Variants in PLEKHG4B observed in about 807,000 individuals in gnomAD.
PLEKHG4B encodes the protein pleckstrin homology domain-containing family G member 4B.
A neutral mutation model predicts 121.3 loss-of-function variants in PLEKHG4B; 111 were observed. That is an observed-to-expected ratio of 0.92 (90% CI 0.78 to 1.07). The LOEUF (loss-of-function observed/expected upper bound fraction) is 1.07, where lower values mean the gene tolerates loss of function less well. Ranked by LOEUF, PLEKHG4B falls within the 50% of genes least tolerant of loss-of-function variation. The pLI is 0.00. For missense variants in PLEKHG4B, 1,831 were observed against 1,757.8 expected (o/e 1.04, Z -0.74); for synonymous variants, 738 against 725.0 (o/e 1.02, Z -0.29).
At chr5:132,180 A>G (rs976692038) in intron 2 of PLEKHG4B, among the ~76,000 whole-genome samples, 1 of 151,458 alleles carries the variant, frequency 6.6e-6, no homozygotes, top group Non-Finnish European at 1.5e-5. Context: ...TACGCAAGGA[A>G]AAAAAAAAGT....
intron 11 of PLEKHG4B, among the ~76,000 whole-genome samples, chr5:161,441 G>A (rs776992866): frequency 1.6e-4 from 24 of 152,216 alleles, no homozygotes; most frequent in African/African-American, 3.6e-4. Context: ...GTTCATTCAC[G>A]GGTGGTTACG....
In PLEKHG4B at chr5:113,239, C is replaced by G. The variant is rs1313031605; in HGVS notation, c.46-12C>G. The G allele has an allele frequency of 2.5e-6, 1 of 399,064 alleles. No individual in the cohort carries two copies. The highest frequency in any genetic ancestry group is 4.4e-6 in the Non-Finnish European group (1 of 226,164). 24.7% of individuals were successfully genotyped at this position (399,064 alleles called of 1,614,324 possible). A position where few individuals can be genotyped will look rare whatever the true frequency, so the allele number is the denominator to read the frequency against. The stretch of plus-strand genomic sequence containing the variant: ...TGTCCCTAAAGTTTCTGAATTCTCT[C>G]TTTCATTTCAGGATCTGGAATCTCT... On this transcript the variant is annotated splice_polypyrimidine_tract_variant and intron_variant, in intron 1 of 19. Transcript: ENST00000637938. This position sits in a 1 kb window ranked among gnomAD's most constrained non-coding sequence, Gnocchi z 5.2.
chr5:153,363 A>T (rs1275386416), intron 7 of PLEKHG4B, among the ~76,000 whole-genome samples: 1 of 152,152 alleles, frequency 6.6e-6, no homozygotes, highest in Non-Finnish European at 1.5e-5. Context: ...CATTGTGAAT[A>T]TTCTGCTGGG....
intron 1 of PLEKHG4B, among the ~76,000 whole-genome samples, chr5:112,152 C>T (rs1000699754): frequency 2.0e-5 from 3 of 152,198 alleles, no homozygotes; most frequent in Non-Finnish European, 4.4e-5. Flanking sequence ...GGGAAGGGAG[C>T]TGACCCATGG....
At chr5:121,028 C>G (rs948753533) in intron 2 of PLEKHG4B, among the ~76,000 whole-genome samples, 1 of 152,008 alleles carries the variant, frequency 6.6e-6, no homozygotes, top group Non-Finnish European at 1.5e-5. Context: ...AGGCGGATCA[C>G]GAGGTCAGGA....
chr5:130,835 A>G (rs1734757607), intron 2 of PLEKHG4B, among the ~76,000 whole-genome samples: 1 of 152,238 alleles, frequency 6.6e-6, no homozygotes, highest in Admixed American at 6.5e-5. Context: ...CATGACTACA[A>G]GATTTATAGC....
chr5:98,791 A>G (rs1733705617), intron 1 of PLEKHG4B, among the ~76,000 whole-genome samples: 1 of 144,408 alleles, frequency 6.9e-6, no homozygotes, highest in South Asian at 2.2e-4. Flanking sequence ...TAGCTTTGTA[A>G]TAAGTTTTGA....
rs1159147691 is a variant in PLEKHG4B at position 187,441 on chromosome 5, C to G, written c.*5118C>G. On this transcript the variant is annotated 3_prime_UTR_variant, in exon 20 of 20. Transcript: ENST00000637938. ...TTGGGTTTTGAGGGAGCCCTAAGAA[C>G]CTGAGAGACTTAGATGGAGCATGGC... 1 of 152,358 alleles carries G rather than the reference C, an allele frequency of 6.6e-6. No individual in the cohort carries two copies. The highest frequency in any genetic ancestry group is 1.5e-5 in the Non-Finnish European group (1 of 68,250). 9.4% of individuals were successfully genotyped at this position (152,358 alleles called of 1,614,324 possible). A position where few individuals can be genotyped will look rare whatever the true frequency, so the allele number is the denominator to read the frequency against.
chr5:162,631 A>C, intron 12 of PLEKHG4B, 91 bp from the exon 13 acceptor site: 1 of 989,164 alleles, frequency 1.0e-6, no homozygotes, highest in Middle Eastern at 3.6e-4. Context: ...CTGGTCCCTG[A>C]ATAGGCTGAC....
intron 12 of PLEKHG4B, 54 bp from the exon 13 acceptor site, chr5:162,668 C>A: frequency 7.8e-7 from 1 of 1,274,088 alleles, no homozygotes; most frequent in Non-Finnish European, 1.0e-6. Flanking sequence ...CCTGAGCTGG[C>A]TCCAGGGCAG....
rs748521032 is a variant in PLEKHG4B at position 182,247 on chromosome 5, A to G, written c.4808A>G (p.Glu1603Gly). 6.2e-7 allele frequency: 1 copy of G among 1,613,588 alleles called. No homozygotes were observed. The highest frequency in any genetic ancestry group is 8.5e-7 in the Non-Finnish European group (1 of 1,180,014). ...GTCGAGGAAGATGAGCCAGAGCCAG[A>G]ACTAGAGACGGGCACCCAGGCTGCA... ...ACVEEDEPEP[E>G]LETGTQAAVC... Residue 1603 changes from glutamate (E) to glycine (G), a missense_variant, in exon 20 of 20, where the codon GAA (glutamate) becomes GGA (glycine). Transcript: ENST00000637938.
intron 1 of PLEKHG4B, among the ~76,000 whole-genome samples, chr5:109,827 C>T (rs1734084283): frequency 6.6e-6 from 1 of 152,218 alleles, no homozygotes; most frequent in Non-Finnish European, 1.5e-5. Flanking sequence ...CAGCGAAGTG[C>T]CAAGGGACTG....
rs114604004 is a variant in PLEKHG4B at position 163,471 on chromosome 5, G to A, written c.3399G>A (p.Pro1133=). ...LPLWQHARSP[P]VTQSRSLSSP... ...TGTGGCAGCATGCCAGGAGCCCCCC[G>A]GTCACTCAGAGCCGGAGTCTGTCCT... The change falls in exon 13 of 20, where the codon CCG becomes CCA. Residue 1133 remains proline, a synonymous_variant. Coordinates refer to ENST00000637938, the MANE Select transcript of PLEKHG4B (RefSeq NM_052909.5). 0.013 allele frequency: 21,311 copies of A among 1,612,776 alleles called. 182 individuals carry two copies. The highest frequency in any genetic ancestry group is 0.015 in the Non-Finnish European group (18,042 of 1,179,982).
chr5:163,357 C>G lies in PLEKHG4B; in HGVS notation c.3285C>G (p.Pro1095=). 6.2e-7 allele frequency: 1 copy of G among 1,613,314 alleles called. No individual in the cohort carries two copies. The highest frequency in any genetic ancestry group is 8.5e-7 in the Non-Finnish European group (1 of 1,180,028). Residue 1095 remains proline (P), a synonymous_variant, in exon 13 of 20, where the codon CCC becomes CCG. Coordinates refer to ENST00000637938, the MANE Select transcript of PLEKHG4B (RefSeq NM_052909.5). The part of the protein sequence containing the change: ...SFEIPQPDSG[P]RDSCQPDHTS... ...AGATACCTCAGCCCGACAGTGGCCC[C>G]AGGGACTCCTGCCAGCCAGACCATA...
chr5:105,013 G>C (rs993011314), intron 1 of PLEKHG4B, among the ~76,000 whole-genome samples: 1 of 108,284 alleles, frequency 9.2e-6, no homozygotes, highest in Non-Finnish European at 1.8e-5. Flanking sequence ...GGGCTGTTCT[G>C]GTTCTGGTGT....
chr5:171,086 C>T lies in PLEKHG4B; in HGVS notation c.3773C>T (p.Pro1258Leu), dbSNP rs61750332. 8 of 1,613,448 alleles carry T rather than the reference C, an allele frequency of 5.0e-6. No homozygotes were observed. Among genetic ancestry groups the T allele is most frequent in the Middle Eastern group, 1.7e-4 (1 of 6,038 alleles). Reference sequence around the variant, plus strand: ...TACGTGATCTACAGCAAAAACAAGCCGCAGTCGGATGCCCTGCTCAGCAGC... The same window carrying T: ...TACGTGATCTACAGCAAAAACAAGCTGCAGTCGGATGCCCTGCTCAGCAGC... The part of the protein sequence containing the change: ...GMYVIYSKNK[P>L]QSDALLSSHG... Residue 1258 changes from proline (P) to leucine (L), a missense_variant, in exon 15 of 20, where the codon CCG becomes CTG. Physicochemically the swap from Pro to Leu is moderately conservative, Grantham distance 98. Coordinates refer to ENST00000637938, the MANE Select transcript of PLEKHG4B (RefSeq NM_052909.5).
Position 138,726 on chromosome 5 carries a change from A to G in PLEKHG4B, c.244-757A>G, listed in dbSNP as rs76719053. Among the ~76,000 whole-genome samples the G allele has an allele frequency of 2.0e-4, 30 of 152,334 alleles. No homozygotes were observed. In the East Asian group the frequency reaches 5.8e-3, roughly 29 times the overall value. ...GGGTTGAACTTGAACTTGGTGTAAG[A>G]TTCTGCAGAAGCAACTGAAACCCAG... On this transcript the variant is annotated intron_variant, in intron 2 of 19. Coordinates refer to ENST00000637938, the MANE Select transcript of PLEKHG4B (RefSeq NM_052909.5).
intron 1 of PLEKHG4B, among the ~76,000 whole-genome samples, chr5:110,233 C>T (rs12517496): frequency 0.19 from 26,720 of 142,146 alleles, 3,427 homozygotes; most frequent in African/African-American, 0.37. Context: ...ATGCACACAC[C>T]GGCCACTCTG....
chr5:167,847 C>T (rs1736403834), intron 13 of PLEKHG4B, among the ~76,000 whole-genome samples: 1 of 152,236 alleles, frequency 6.6e-6, no homozygotes, highest in Admixed American at 6.5e-5. Context: ...AAGCGTCCTG[C>T]ATTTGTTTAT....
Sources: allele counts gnomAD v4.1 joint callset (sites outside exome capture counted in the v4.1 genomes callset), GRCh38; gene constraint gnomAD v4.1.1; non-coding constraint Gnocchi (gnomAD v3.1); transcripts MANE v1.5; gene names NCBI Gene and HGNC (gene_info 2026-07-23, HGNC 2026-07-21).